Variants in CEP63 observed in about 807,000 individuals in gnomAD.
CEP63 encodes centrosomal protein of 63 kDa.
A neutral mutation model predicts 89.1 loss-of-function variants in CEP63; 84 were observed. That is an observed-to-expected ratio of 0.94 (90% confidence interval 0.79 to 1.13). The LOEUF (loss-of-function observed/expected upper bound fraction) is 1.13, where lower values mean the gene tolerates loss of function less well. Ranked by LOEUF, CEP63 falls within the 50% of genes most tolerant of loss-of-function variation. The pLI is 0.00. For synonymous variants in CEP63, 267 were observed against 272.5 expected, an observed-to-expected ratio of 0.98 and a Z score of 0.20; for missense variants, 838 against 813.3, an observed-to-expected ratio of 1.03 and a Z score of -0.37.
chr3:134,525,196 T>G (rs1948389571), intron 3 of CEP63, among the ~76,000 whole-genome samples: 1 of 152,152 alleles, frequency 6.6e-6, no homozygotes, highest in Non-Finnish European at 1.5e-5. Flanking sequence ...TCTCTGACGT[T>G]TGTTTGTATT....
chr3:134,651,227 C>T, the CEP63 span: 5 of 1,271,472 alleles, frequency 3.9e-6, no homozygotes, highest in Non-Finnish European at 4.0e-6. Flanking sequence ...TGACCTGCAC[C>T]GGGGCCATAG....
intron 9 of CEP63, among the ~76,000 whole-genome samples, chr3:134,547,912 A>C (rs1486985371): frequency 6.6e-6 from 1 of 152,040 alleles, no homozygotes; most frequent in Non-Finnish European, 1.5e-5. Flanking sequence ...CCCTGCCCTA[A>C]GTTCTTATTT....
chr3:134,590,776 A>G (rs1012618976), downstream of CEP63, among the ~76,000 whole-genome samples: 5 of 152,236 alleles, frequency 3.3e-5, no homozygotes, highest in Non-Finnish European at 5.9e-5. Context: ...TGGTCCTCCA[A>G]AGTCCTTAAT....
intron 3 of CEP63, among the ~76,000 whole-genome samples, chr3:134,507,718 A>C (rs188944821): frequency 8.0e-4 from 122 of 152,336 alleles, no homozygotes; most frequent in African/African-American, 2.6e-3. Flanking sequence ...ATCTTTAAAA[A>C]AAAACAAAAC....
the CEP63 span, chr3:134,610,639 C>A: frequency 2.3e-6 from 1 of 441,266 alleles, no homozygotes; most frequent in Non-Finnish European, 4.0e-6. Flanking sequence ...TCCCCTGAGA[C>A]CAACACCATT....
chr3:134,588,034 C>T (rs779268985), downstream of CEP63, among the ~76,000 whole-genome samples: 1 of 152,180 alleles, frequency 6.6e-6, no homozygotes, highest in Non-Finnish European at 1.5e-5. Flanking sequence ...GTGATGACGT[C>T]TGTAATTCCA....
chr3:134,588,151 G>A (rs538820310), downstream of CEP63, among the ~76,000 whole-genome samples: 1 of 152,198 alleles, frequency 6.6e-6, no homozygotes, highest in Admixed American at 6.5e-5. Context: ...AAATCAGCTG[G>A]GTGTGGTGGC....
chr3:134,575,234 CCTT>C (rs1958177847), downstream of CEP63, among the ~76,000 whole-genome samples: 1 of 1,906 alleles, frequency 5.2e-4, no homozygotes, highest in African/African-American at 1.4e-3. Flanking sequence ...TCCCTCCCTC[CCTT>C]CCTTCCTTCC....
intron 10 of CEP63, among the ~76,000 whole-genome samples, chr3:134,586,574 T>C (rs191535899): frequency 1.3e-5 from 2 of 152,338 alleles, no homozygotes; most frequent in Admixed American, 1.3e-4. Context: ...GTTAGTCTGA[T>C]GGGCTTCCCT....
the CEP63 span, among the ~76,000 whole-genome samples, chr3:134,665,724 GAC>G: frequency 4.2e-5 from 4 of 95,832 alleles, no homozygotes; most frequent in Non-Finnish European, 1.1e-4. Flanking sequence ...GAGAGAGAGA[GAC>G]AGGGACAGAG....
chr3:134,555,497 A>G (rs1414656898), intron 12 of CEP63, among the ~76,000 whole-genome samples: 1 of 150,812 alleles, frequency 6.6e-6, no homozygotes, highest in Non-Finnish European at 1.5e-5. Context: ...ACAGAGAGCC[A>G]AATCATGAGT....
chr3:134,768,261 G>A, the CEP63 span, among the ~76,000 whole-genome samples: 6 of 152,162 alleles, frequency 3.9e-5, no homozygotes, highest in Non-Finnish European at 8.8e-5. Context: ...ATGGACTAAA[G>A]GCAGTGAGCC....
chr3:134,731,864 CA>C, the CEP63 span, among the ~76,000 whole-genome samples: 1 of 152,046 alleles, frequency 6.6e-6, no homozygotes, highest in African/African-American at 2.4e-5. Flanking sequence ...AAACCACTGC[CA>C]GAAAAAAGTT....
intron 11 of CEP63, among the ~76,000 whole-genome samples, chr3:134,574,252 G>A (rs1958134795): frequency 6.6e-6 from 1 of 152,198 alleles, no homozygotes; most frequent in African/African-American, 2.4e-5. Flanking sequence ...AGAGATGGAG[G>A]AGCGGCTTCT....
At chr3:134,669,293 G>A in the CEP63 span, among the ~76,000 whole-genome samples, 1 of 152,170 alleles carries the variant, frequency 6.6e-6, no homozygotes, top group East Asian at 1.9e-4. Flanking sequence ...CTCCAAAGGT[G>A]CTGAGATTAC....
intron 3 of CEP63, among the ~76,000 whole-genome samples, chr3:134,514,343 A>G (rs955784139): frequency 4.8e-4 from 73 of 152,284 alleles, no homozygotes; most frequent in African/African-American, 1.7e-3. Context: ...AGACAACAAG[A>G]AAGTCTAATA....
At chr3:134,605,455 TG>T in the CEP63 span, among the ~76,000 whole-genome samples, 2 of 152,174 alleles carry the variant, frequency 1.3e-5, no homozygotes, top group Non-Finnish European at 2.9e-5. Context: ...ACACTGTGCC[TG>T]GGCTCTAGGA....
chr3:134,513,356 G>A (rs1945447613), intron 3 of CEP63, among the ~76,000 whole-genome samples: 1 of 152,176 alleles, frequency 6.6e-6, no homozygotes, highest in Non-Finnish European at 1.5e-5. Flanking sequence ...AGCTTTAGAA[G>A]TAAATTTCCC....
intron 10 of CEP63, among the ~76,000 whole-genome samples, chr3:134,587,343 G>T (rs1006406756): frequency 6.6e-6 from 1 of 152,110 alleles, no homozygotes. Flanking sequence ...ATCTACCTTT[G>T]GTCTTTGATG....
Sources: gnomAD v4.1 joint callset for allele counts (sites outside exome capture counted in the v4.1 genomes callset) on GRCh38, gnomAD v4.1.1 for gene constraint, MANE v1.5 for transcripts, NCBI Gene and HGNC (gene_info 2026-07-23, HGNC 2026-07-21) for gene names.